EXOC6: variants seen among roughly 807,000 people sequenced by gnomAD.
The protein encoded by EXOC6 is SEC15-like 1.
A neutral mutation model predicts 112.5 loss-of-function variants in EXOC6; 60 were observed. The ratio of observed to expected loss-of-function variants is 0.53; its 90% CI spans 0.43 to 0.66. The LOEUF (loss-of-function observed/expected upper bound fraction) is 0.66. EXOC6 is among the 30% of genes least tolerant of loss of function. The pLI is 0.00. For missense variants in EXOC6, 855 were observed against 957.1 expected (o/e 0.89, Z 1.41); for synonymous variants, 295 against 308.0 (o/e 0.96, Z 0.44).
At chr10:93,036,071 C>T (rs1433207747) in intron 20 of EXOC6, among the ~76,000 whole-genome samples, 1 of 151,912 alleles carries the variant, frequency 6.6e-6, no homozygotes, top group African/African-American at 2.4e-5. Context: ...AAATACAAAA[C>T]ATTAGGCATG....
intron 5 of EXOC6, among the ~76,000 whole-genome samples, chr10:92,909,063 T>C (rs1450344019): frequency 6.6e-6 from 1 of 152,198 alleles, no homozygotes; most frequent in Non-Finnish European, 1.5e-5. Context: ...GATATTATGA[T>C]AGGAGACAGA....
upstream of EXOC6, among the ~76,000 whole-genome samples, chr10:92,845,178 A>G (rs1847002955): frequency 6.6e-6 from 1 of 152,180 alleles, no homozygotes; most frequent in Admixed American, 6.5e-5. Context: ...TCCACTGCCA[A>G]AAAATAATTC....
chr10:92,868,940 G>A (rs1848313517), intron 1 of EXOC6, among the ~76,000 whole-genome samples: 1 of 151,326 alleles, frequency 6.6e-6, no homozygotes, highest in African/African-American at 2.4e-5. Context: ...TCAGCCTTCC[G>A]AGTACCTGGG....
intron 6 of EXOC6, among the ~76,000 whole-genome samples, chr10:92,913,023 C>T (rs930924302): frequency 6.6e-5 from 10 of 152,176 alleles, no homozygotes; most frequent in Admixed American, 3.9e-4. Flanking sequence ...GGAAGCACAT[C>T]ACGTGCTTTT....
intron 1 of EXOC6, among the ~76,000 whole-genome samples, chr10:92,880,578 A>G (rs75045009): frequency 7.9e-5 from 12 of 152,340 alleles, no homozygotes; most frequent in Non-Finnish European, 1.8e-4. Flanking sequence ...AACTTAGAAG[A>G]TAAAATATAC....
At chr10:92,923,773 C>T (rs768512082) in intron 8 of EXOC6, among the ~76,000 whole-genome samples, 1 of 152,160 alleles carries the variant, frequency 6.6e-6, no homozygotes, top group Non-Finnish European at 1.5e-5. Flanking sequence ...GGGAGGGGAC[C>T]ACACAAGGGT....
Position 92,952,256 on chromosome 10 carries a change from ACTTT to A in EXOC6, c.1417-12_1417-9del. 2 of 1,494,522 alleles carry A rather than the reference ACTTT, an allele frequency of 1.3e-6. No individual in the cohort carries two copies. The highest frequency in any genetic ancestry group is 1.8e-6 in the Non-Finnish European group (2 of 1,084,650). 92.6% of individuals were successfully genotyped at this position (1,494,522 alleles called of 1,614,324 possible). A position where few individuals can be genotyped will look rare whatever the true frequency, so the allele number is the denominator to read the frequency against. On this transcript the variant is annotated splice_polypyrimidine_tract_variant and intron_variant, in intron 14 of 21. Transcript: ENST00000260762. ...TTCTAAAATTTCAAAAACAATATTA[ACTTT>A]CTTTTTCTACAGCAGTCTTTCCCAA...
intron 20 of EXOC6, among the ~76,000 whole-genome samples, chr10:93,045,313 ATCTAGCTGTTGGAT>A (rs1484014603): frequency 3.9e-5 from 6 of 152,240 alleles, no homozygotes; most frequent in Non-Finnish European, 7.3e-5. Context: ...GACTAAATTA[ATCTAGCTGTTGGAT>A]TCTCCAAGTG....
chr10:92,975,323 T>A (rs1451561476), intron 18 of EXOC6, among the ~76,000 whole-genome samples: 1 of 148,698 alleles, frequency 6.7e-6, no homozygotes, highest in Admixed American at 6.7e-5. Context: ...GGAGACCCTC[T>A]GCCTGGCAAC....
At chr10:92,985,976 T>C (rs571246569) in intron 18 of EXOC6, among the ~76,000 whole-genome samples, 2 of 151,424 alleles carry the variant, frequency 1.3e-5, no homozygotes, top group Non-Finnish European at 2.9e-5. Context: ...AACCATATAT[T>C]GTATATATAT....
At chr10:92,847,003 C>CA (rs1847075454), upstream of EXOC6, among the ~76,000 whole-genome samples, 1 of 152,144 alleles carries the variant, frequency 6.6e-6, no homozygotes, top group African/African-American at 2.4e-5. Flanking sequence ...GGAAGGGGGC[C>CA]ACAAGCCAAG....
At chr10:92,998,656 ACACACACAC>A (rs1386281036) in intron 19 of EXOC6, among the ~76,000 whole-genome samples, 3 of 151,206 alleles carry the variant, frequency 2.0e-5, no homozygotes, top group African/African-American at 7.3e-5. Flanking sequence ...ACACACACAC[ACACACACAC>A]TCCAAAGTTT....
intron 5 of EXOC6, among the ~76,000 whole-genome samples, chr10:92,907,598 C>T (rs368340646): frequency 3.3e-5 from 5 of 152,266 alleles, no homozygotes; most frequent in African/African-American, 9.6e-5. Context: ...ATTTCAAATA[C>T]ATTGTAGACA....
At chr10:92,848,161 T>A (rs1428343496), upstream of EXOC6, among the ~76,000 whole-genome samples, 1 of 152,084 alleles carries the variant, frequency 6.6e-6, no homozygotes, top group African/African-American at 2.4e-5. Context: ...ATGATCTGAG[T>A]GTCCACCTTG....
intron 17 of EXOC6, among the ~76,000 whole-genome samples, chr10:92,965,954 G>C (rs1842029918): frequency 6.6e-6 from 1 of 152,098 alleles, no homozygotes; most frequent in African/African-American, 2.4e-5. Flanking sequence ...TACAGCCCGT[G>C]ATTCCCTGAC....
intron 18 of EXOC6, among the ~76,000 whole-genome samples, chr10:92,980,666 A>G (rs1842794016): frequency 1.3e-5 from 2 of 152,196 alleles, no homozygotes; most frequent in South Asian, 4.1e-4. Context: ...TACAATTGCT[A>G]ACAGTCAGAT....
intron 18 of EXOC6, among the ~76,000 whole-genome samples, chr10:92,977,261 T>A (rs1842659741): frequency 7.0e-6 from 1 of 142,900 alleles, no homozygotes; most frequent in South Asian, 2.2e-4. Flanking sequence ...TCTCTCTGCT[T>A]GGAATGGGGA....
chr10:92,910,916 G>A (rs1452243523), intron 6 of EXOC6, among the ~76,000 whole-genome samples: 1 of 152,192 alleles, frequency 6.6e-6, no homozygotes, highest in East Asian at 1.9e-4. Flanking sequence ...GTGACAGAGC[G>A]AGACTCTGTC....
chr10:93,049,545 A>G (rs1428664109), intron 20 of EXOC6, among the ~76,000 whole-genome samples: 1 of 152,162 alleles, frequency 6.6e-6, no homozygotes, highest in Non-Finnish European at 1.5e-5. Flanking sequence ...GCCAGTTACA[A>G]AAGACCAGGT....
Sources: gnomAD v4.1 joint callset for allele counts (sites outside exome capture counted in the v4.1 genomes callset) on GRCh38, gnomAD v4.1.1 for gene constraint, MANE v1.5 for transcripts, NCBI Gene and HGNC (gene_info 2026-07-23, HGNC 2026-07-21) for gene names.